NCKAP5: variants seen among roughly 807,000 people sequenced by gnomAD.
NCKAP5 encodes NCK associated protein 5.
In NCKAP5, 92 loss-of-function variants were observed where a neutral mutation model predicts 167.0. The ratio of observed to expected loss-of-function variants is 0.55; its 90% CI spans 0.47 to 0.66. The LOEUF (loss-of-function observed/expected upper bound fraction) is 0.66. Among genes scored for constraint, NCKAP5 ranks in the 30% least tolerant of loss-of-function variants. NCKAP5 has a pLI of 0.00. For missense variants in NCKAP5, 2,378 were observed against 2,315.0 expected, an observed-to-expected ratio of 1.03 and a Z score of -0.56; for synonymous variants, 891 against 877.4, an observed-to-expected ratio of 1.02 and a Z score of -0.27.
At chr2:132,869,704 A>G (rs1690648295) in intron 9 of NCKAP5, among the ~76,000 whole-genome samples, 1 of 152,134 alleles carries the variant, frequency 6.6e-6, no homozygotes, top group Non-Finnish European at 1.5e-5. Flanking sequence ...GGCTTACAGG[A>G]AGTCTCAAAG....
At chr2:133,252,550 C>T (rs149770587) in intron 4 of NCKAP5, among the ~76,000 whole-genome samples, 525 of 152,288 alleles carry the variant, frequency 3.4e-3, no homozygotes, top group African/African-American at 0.012. Flanking sequence ...TCTTTGCGTA[C>T]AGTAATGCTG....
At chr2:132,797,591 G>A (rs1181715484) in intron 11 of NCKAP5, among the ~76,000 whole-genome samples, 3 of 152,178 alleles carry the variant, frequency 2.0e-5, no homozygotes, top group Admixed American at 6.5e-5. Context: ...AATTGAGTAA[G>A]TAAATAATGC....
At chr2:133,186,350 G>C (rs921353424) in intron 5 of NCKAP5, among the ~76,000 whole-genome samples, 4 of 152,012 alleles carry the variant, frequency 2.6e-5, no homozygotes, top group Admixed American at 6.6e-5. Context: ...AGCTGAATTT[G>C]GTTTGTTAAT....
At chr2:133,034,751 T>TA (rs1420598105) in intron 6 of NCKAP5, among the ~76,000 whole-genome samples, 2 of 151,602 alleles carry the variant, frequency 1.3e-5, no homozygotes, top group African/African-American at 2.4e-5. Context: ...AACCTCAAAC[T>TA]AAAAAACATA....
intron 3 of NCKAP5, among the ~76,000 whole-genome samples, chr2:133,502,039 C>G (rs1682565559): frequency 6.6e-6 from 1 of 152,188 alleles, no homozygotes; most frequent in African/African-American, 2.4e-5. Context: ...CCTTGAGTGT[C>G]CGTTCGCCTC....
chr2:133,098,200 G>A (rs1296206228), intron 6 of NCKAP5, among the ~76,000 whole-genome samples: 2 of 152,182 alleles, frequency 1.3e-5, no homozygotes, highest in African/African-American at 2.4e-5. Context: ...AACGTAATGT[G>A]TTTTTAATCA....
chr2:132,874,981 A>G (rs890564997), intron 9 of NCKAP5, among the ~76,000 whole-genome samples: 1 of 152,024 alleles, frequency 6.6e-6, no homozygotes, highest in African/African-American at 2.4e-5. Context: ...GTACTTTAAA[A>G]CTTCCACATG....
Position 132,784,033 on chromosome 2 carries a change from G to A in NCKAP5, c.2778C>T (p.Ser926=). ...TGCCTGGAGGGGGCGGAGGGGAAGG[G>A]GATTTCACCCCTGCCTCCGGCCCAG... ...CGSGPEAGVK[S]PSPPPPPGRS... Residue 926 remains serine, a synonymous_variant, in exon 14 of 20, where the codon TCC becomes TCT. Transcript: ENST00000409261. The A allele has an allele frequency of 6.5e-7, 1 of 1,549,102 alleles. No homozygotes were observed.
chr2:133,052,001 T>C (rs2079621791), intron 6 of NCKAP5, among the ~76,000 whole-genome samples: 1 of 152,170 alleles, frequency 6.6e-6, no homozygotes. Flanking sequence ...CCAAGAATCA[T>C]ACTAAAACTG....
intron 11 of NCKAP5, among the ~76,000 whole-genome samples, chr2:132,852,815 A>AATAG (rs1324144845): frequency 2.4e-4 from 36 of 152,148 alleles, no homozygotes; most frequent in Admixed American, 2.4e-3. Context: ...TGACACCCAG[A>AATAG]ATAGTGTTTG....
chr2:133,250,465 G>A (rs2150334704), intron 4 of NCKAP5, among the ~76,000 whole-genome samples: 1 of 152,206 alleles, frequency 6.6e-6, no homozygotes, highest in Non-Finnish European at 1.5e-5. Context: ...ACCAGCTTAG[G>A]GCACGTAAGA....
chr2:132,717,068 G>C (rs543662736), intron 19 of NCKAP5, among the ~76,000 whole-genome samples: 7 of 152,260 alleles, frequency 4.6e-5, no homozygotes, highest in African/African-American at 1.7e-4. Flanking sequence ...TGGATGAATA[G>C]TGACTAAGAG....
chr2:133,383,464 T>C (rs965698265), intron 3 of NCKAP5, among the ~76,000 whole-genome samples: 1 of 152,038 alleles, frequency 6.6e-6, no homozygotes, highest in Non-Finnish European at 1.5e-5. Context: ...CAGTCTATCA[T>C]TGTTGGACAT....
At chr2:133,143,688 C>G (rs2083082736) in intron 5 of NCKAP5, among the ~76,000 whole-genome samples, 2 of 152,120 alleles carry the variant, frequency 1.3e-5, no homozygotes, top group African/African-American at 4.8e-5. Flanking sequence ...AAAAGAGAGA[C>G]TCTTCCCAGC....
intron 8 of NCKAP5, among the ~76,000 whole-genome samples, chr2:132,895,924 C>T (rs1693165768): frequency 6.6e-6 from 1 of 151,904 alleles, no homozygotes; most frequent in South Asian, 2.1e-4. Context: ...CACCTGAGGT[C>T]AGGAGTTTGA....
At chr2:133,526,195 G>A (rs1336234718) in intron 2 of NCKAP5, among the ~76,000 whole-genome samples, 1 of 132,466 alleles carries the variant, frequency 7.5e-6, no homozygotes, top group Non-Finnish European at 1.6e-5. Flanking sequence ...AAGGAAGGAA[G>A]GAAGGAAGGA....
intron 2 of NCKAP5, among the ~76,000 whole-genome samples, chr2:133,558,719 A>AAAAAAAAAAAAAAAAAAAAAAC (rs1687938784): frequency 6.7e-6 from 1 of 149,876 alleles, no homozygotes; most frequent in Non-Finnish European, 1.5e-5. Context: ...AAAAAAAAAA[A>AAAAAAAAAAAAAAAAAAAAAAC]AAAAAAAGCC....
intron 4 of NCKAP5, among the ~76,000 whole-genome samples, chr2:133,233,762 G>T (rs149150489): frequency 6.6e-6 from 1 of 152,098 alleles, no homozygotes; most frequent in Non-Finnish European, 1.5e-5. Flanking sequence ...TACATGCATC[G>T]TCTTATTGAA....
intron 16 of NCKAP5, among the ~76,000 whole-genome samples, chr2:132,757,291 T>C (rs924854109): frequency 6.6e-6 from 1 of 152,208 alleles, no homozygotes; most frequent in African/African-American, 2.4e-5. Flanking sequence ...AAGACTGACA[T>C]TGATAAGTTA....
Sources: gnomAD v4.1 joint callset for allele counts (sites outside exome capture counted in the v4.1 genomes callset) on GRCh38, gnomAD v4.1.1 for gene constraint, MANE v1.5 for transcripts, NCBI Gene and HGNC (gene_info 2026-07-23, HGNC 2026-07-21) for gene names.